Variants in PFKFB3 observed in about 807,000 individuals in gnomAD.
PFKFB3 encodes 6-phosphofructo-2-kinase/fructose-2,6-biphosphatase 3.
PFKFB3 carries 33 observed loss-of-function variants against 68.0 expected under a neutral mutation model. The ratio of observed to expected loss-of-function variants is 0.49; its 90% CI spans 0.37 to 0.65. PFKFB3 has a LOEUF of 0.65. PFKFB3 is among the 30% of genes least tolerant of loss of function. The pLI is 0.00. For missense variants in PFKFB3, 586 were observed against 712.2 expected (o/e 0.82, Z 2.02); for synonymous variants, 315 against 288.2 (o/e 1.09, Z -0.94).
exon 15 of PFKFB3, chr10:6,254,410 AG>A: frequency 7.5e-6 from 3 of 398,604 alleles, no homozygotes; most frequent in Non-Finnish European, 1.3e-5. Flanking sequence ...TGAGCTGCTG[AG>A]GACTCTGAGA....
chr10:6,296,714 A>T, the PFKFB3 span, among the ~76,000 whole-genome samples: 3 of 152,202 alleles, frequency 2.0e-5, no homozygotes, highest in Non-Finnish European at 4.4e-5. Flanking sequence ...AGTGTCTCTT[A>T]GCATGCTAAT....
chr10:6,166,821 C>CTTTTTTT (rs144747290), intron 1 of PFKFB3, among the ~76,000 whole-genome samples: 12 of 95,272 alleles, frequency 1.3e-4, no homozygotes, highest in African/African-American at 2.4e-4. Flanking sequence ...CCTTCTTCTT[C>CTTTTTTT]TTTTTTTTTT....
chr10:6,216,718 A>C lies in PFKFB3; in HGVS notation c.379A>C (p.Thr127Pro), dbSNP rs1184354821. 1 of 1,612,616 alleles carries C rather than the reference A, an allele frequency of 6.2e-7. No homozygotes were observed. The highest frequency in any genetic ancestry group is 1.1e-5 in the South Asian group (1 of 91,058). ...CTCTCCATATCAGGTTTTCGATGCC[A>C]CCAATACTACTAGAGAGAGGAGACA... ...EGGQIAVFDA[T>P]NTTRERRHMI... The change falls in exon 5 of 15, where the codon ACC becomes CCC. Residue 127 changes from threonine (T) to proline (P), a missense_variant. Transcript: ENST00000379775.
intron 1 of PFKFB3, among the ~76,000 whole-genome samples, chr10:6,180,882 T>C (rs1842693359): frequency 6.6e-6 from 1 of 152,222 alleles, no homozygotes. Flanking sequence ...GTAGCAGAAT[T>C]GTGGTATGTG....
At chr10:6,274,637 G>A in the PFKFB3 span, among the ~76,000 whole-genome samples, 3 of 152,150 alleles carry the variant, frequency 2.0e-5, no homozygotes, top group Non-Finnish European at 4.4e-5. Context: ...GCTTAAGCCC[G>A]GAAGTTTGAG....
downstream of PFKFB3, among the ~76,000 whole-genome samples, chr10:6,257,915 G>C (rs774096641): frequency 1.3e-5 from 2 of 152,110 alleles, no homozygotes; most frequent in Non-Finnish European, 2.9e-5. Context: ...TAATCCTTCA[G>C]CCCCTCCTAG....
the PFKFB3 span, among the ~76,000 whole-genome samples, chr10:6,288,733 T>C: frequency 7.1e-6 from 1 of 141,232 alleles, no homozygotes; most frequent in Non-Finnish European, 1.5e-5. Context: ...ATGGGATGGC[T>C]GGGTCAAATG....
Position 6,250,841 on chromosome 10 carries a change from C to T in PFKFB3, c.1516-3337C>T, listed in dbSNP as rs190245531. Among the ~76,000 whole-genome samples the T allele has an allele frequency of 1.2e-3, 188 of 152,242 alleles. 1 individual carries two copies. Among genetic ancestry groups the T allele is most frequent in the African/African-American group, 4.0e-3 (165 of 41,532 alleles). The stretch of plus-strand genomic sequence containing the variant: ...CCAGTCCCAGGAATCTTGTTATAAC[C>T]GGCCCAAATGGCAAATGGACTAAGG... On this transcript the variant is annotated intron_variant, in intron 14 of 14. Coordinates refer to the PFKFB3 transcript ENST00000640683.
At chr10:6,314,744 G>A in the PFKFB3 span, among the ~76,000 whole-genome samples, 5 of 152,170 alleles carry the variant, frequency 3.3e-5, no homozygotes, top group Admixed American at 6.5e-5. Context: ...TGGCCGGGTC[G>A]AAGGGTAGGA....
chr10:6,320,801 A>C, the PFKFB3 span, among the ~76,000 whole-genome samples: 1 of 152,052 alleles, frequency 6.6e-6, no homozygotes, highest in Non-Finnish European at 1.5e-5. Flanking sequence ...GGCTCTCATC[A>C]CAGTTCTGGA....
the PFKFB3 span, among the ~76,000 whole-genome samples, chr10:6,299,017 A>G: frequency 4.7e-3 from 723 of 152,252 alleles, 3 homozygotes; most frequent in Non-Finnish European, 8.5e-3. Flanking sequence ...TCCTTCTCGG[A>G]TGTAATGAAA....
rs1588512508 is a variant in PFKFB3 at position 6,220,713 on chromosome 10, G to C, written c.679G>C (p.Val227Leu). Residue 227 changes from valine to leucine, a missense_variant, in exon 8 of 15, where the codon GTG becomes CTG. Coordinates refer to ENST00000379775, the MANE Select transcript of PFKFB3 (RefSeq NM_004566.4). This position sits in a 1 kb window ranked among gnomAD's most constrained non-coding sequence, Gnocchi z 4.1. ...DVGRRFLVNR[V>L]QDHIQSRIVY... ...GGGCCGGAGGTTCCTGGTGAACCGG[G>C]TGCAGGACCACATCCAGAGCCGCAT... 6.2e-7 allele frequency: 1 copy of C among 1,614,088 alleles called. No homozygotes were observed. The highest frequency in any genetic ancestry group is 8.5e-7 in the Non-Finnish European group (1 of 1,180,026).
chr10:6,227,970 C>T (rs1845465546), intron 14 of PFKFB3, among the ~76,000 whole-genome samples: 1 of 152,196 alleles, frequency 6.6e-6, no homozygotes, highest in Non-Finnish European at 1.5e-5. Flanking sequence ...GGTTGATATC[C>T]TGAGCTGCAC....
In PFKFB3 at chr10:6,215,474, G is replaced by A. The variant is rs532644051; in HGVS notation, c.299+157G>A. 1.4e-3 allele frequency among the ~76,000 whole-genome samples: 210 copies of A among 152,078 alleles called. 1 individual carries two copies. The highest frequency in any genetic ancestry group is 4.8e-3 in the African/African-American group (199 of 41,480). On this transcript the variant is annotated intron_variant, in intron 3 of 14. Transcript: ENST00000379775. This position sits in a 1 kb window ranked among gnomAD's most constrained non-coding sequence, Gnocchi z 4.3. ...GGCTGCGGGTGTAAGGCTGGGCTGC[G>A]GGCTTGGGCTTGCTTTGTTCTGAGC... is the stretch of plus-strand genomic sequence containing the variant.
chr10:6,265,270 G>A, the PFKFB3 span, among the ~76,000 whole-genome samples: 3 of 151,730 alleles, frequency 2.0e-5, no homozygotes, highest in Admixed American at 6.6e-5. Context: ...TAGTAGAGGC[G>A]GGGTTTCACC....
In PFKFB3 at chr10:6,224,033, C is replaced by T. The variant is rs775291576; in HGVS notation, c.1276+13C>T. On this transcript the variant is annotated intron_variant, in intron 12 of 14. Transcript: ENST00000379775. ...CCTGTCGCTTATGGTGAGTAGCAAC[C>T]CCTGCCAAGCCCTGTCCCCCTGAAG... 1.1e-5 allele frequency: 18 copies of T among 1,613,956 alleles called. No homozygotes were observed. The highest frequency in any genetic ancestry group is 3.3e-5 in the Admixed American group (2 of 60,032).
intron 1 of PFKFB3, among the ~76,000 whole-genome samples, chr10:6,195,385 C>T (rs543947378): frequency 6.6e-6 from 1 of 152,212 alleles, no homozygotes; most frequent in South Asian, 2.1e-4. Flanking sequence ...TGGGTCTGCA[C>T]AATACTGAGG....
intron 1 of PFKFB3, among the ~76,000 whole-genome samples, chr10:6,187,391 T>C (rs776849485): frequency 2.6e-5 from 4 of 152,004 alleles, no homozygotes; most frequent in Admixed American, 6.6e-5. Flanking sequence ...AAGGGCCTTT[T>C]TGTCCTATCT....
Position 6,215,378 on chromosome 10 carries a change from A to G in PFKFB3, c.299+61A>G, listed in dbSNP as rs1344484142. ...GGAATAAGGCTGGGCCGCGGGCATA[A>G]GGCTGGGCTGCAGGAGTAAGGCTGG... On this transcript the variant is annotated intron_variant, in intron 3 of 14. Transcript: ENST00000379775. The surrounding 1 kb of genome is among the most constrained non-coding windows in gnomAD (Gnocchi z 4.3). 5.4e-6 allele frequency: 7 copies of G among 1,288,968 alleles called. No individual in the cohort carries two copies. The highest frequency in any genetic ancestry group is 6.7e-6 in the Non-Finnish European group (6 of 896,892). 79.8% of individuals were successfully genotyped at this position (1,288,968 alleles called of 1,614,324 possible).
Sources: allele counts gnomAD v4.1 joint callset (sites outside exome capture counted in the v4.1 genomes callset), GRCh38; gene constraint gnomAD v4.1.1; non-coding constraint Gnocchi (gnomAD v3.1); transcripts MANE v1.5; gene names NCBI Gene and HGNC (gene_info 2026-07-23, HGNC 2026-07-21).